The following PPM1H variants were observed in gnomAD, a reference collection of about 807,000 sequenced individuals.
PPM1H encodes the protein protein phosphatase, Mg2+/Mn2+ dependent 1H.
PPM1H carries 27 observed loss-of-function variants against 54.9 expected under a neutral mutation model. That is an observed-to-expected ratio of 0.49 (90% confidence interval 0.36 to 0.68). PPM1H has a LOEUF of 0.68. Among genes scored for constraint, PPM1H ranks in the 30% least tolerant of loss-of-function variants. The pLI is 0.00. For missense variants in PPM1H, 596 were observed against 667.8 expected, an observed-to-expected ratio of 0.89 and a Z score of 1.19; for synonymous variants, 305 against 270.8, an observed-to-expected ratio of 1.13 and a Z score of -1.24.
At chr12:62,831,391 A>G (rs1403167430) in intron 2 of PPM1H, among the ~76,000 whole-genome samples, 2 of 152,130 alleles carry the variant, frequency 1.3e-5, no homozygotes, top group African/African-American at 2.4e-5. Flanking sequence ...GAGCTTTCTG[A>G]GGATATGACT....
At chr12:62,883,845 A>C (rs574853230) in intron 1 of PPM1H, among the ~76,000 whole-genome samples, 1 of 151,598 alleles carries the variant, frequency 6.6e-6, no homozygotes, top group Non-Finnish European at 1.5e-5. Flanking sequence ...ATTTCCTCAC[A>C]TAATTGCATC....
intron 9 of PPM1H, among the ~76,000 whole-genome samples, chr12:62,658,559 T>A: frequency 2.0e-5 from 3 of 152,244 alleles, no homozygotes; most frequent in East Asian, 1.9e-4. Flanking sequence ...TTTCCAGGTT[T>A]GAGTGCCTTC....
intron 6 of PPM1H, among the ~76,000 whole-genome samples, chr12:62,714,554 G>A (rs752356869): frequency 3.9e-5 from 6 of 152,114 alleles, no homozygotes; most frequent in Admixed American, 1.3e-4. Context: ...GCAGAGCAAA[G>A]CCTACCCCCT....
intron 1 of PPM1H, among the ~76,000 whole-genome samples, chr12:62,896,414 A>G (rs1465107481): frequency 2.0e-5 from 3 of 152,214 alleles, no homozygotes; most frequent in Non-Finnish European, 2.9e-5. Flanking sequence ...AAAAAATCAA[A>G]CAACCCCATC....
At chr12:62,799,154 T>A (rs574055328) in intron 3 of PPM1H, among the ~76,000 whole-genome samples, 5 of 152,236 alleles carry the variant, frequency 3.3e-5, no homozygotes, top group Non-Finnish European at 2.9e-5. Context: ...TTTGAGGTAA[T>A]GAATTGGTTC....
At chr12:62,912,796 C>A (rs1442842064) in intron 1 of PPM1H, among the ~76,000 whole-genome samples, 1 of 152,160 alleles carries the variant, frequency 6.6e-6, no homozygotes, top group African/African-American at 2.4e-5. Context: ...AACAGACTGA[C>A]GTAGCTCTAG....
intron 1 of PPM1H, among the ~76,000 whole-genome samples, chr12:62,930,660 T>C (rs2121192215): frequency 6.6e-6 from 1 of 152,320 alleles, no homozygotes; most frequent in African/African-American, 2.4e-5. Flanking sequence ...AACCTCCACT[T>C]GGGTGGTATT....
At chr12:62,704,145 T>C (rs2076160218) in intron 6 of PPM1H, among the ~76,000 whole-genome samples, 1 of 152,158 alleles carries the variant, frequency 6.6e-6, no homozygotes, top group Non-Finnish European at 1.5e-5. Flanking sequence ...AACTGTCTGC[T>C]GGAAAGACAG....
intron 1 of PPM1H, among the ~76,000 whole-genome samples, chr12:62,919,031 G>A (rs1019700992): frequency 6.6e-6 from 1 of 152,204 alleles, no homozygotes; most frequent in Non-Finnish European, 1.5e-5. Context: ...ACAGTCAGTG[G>A]AGATAGAAAT....
rs1565747314 is a variant in PPM1H at position 62,659,290 on chromosome 12, A to AAG, written c.1397+7886_1397+7887dup. On this transcript the variant is annotated intron_variant, in intron 9 of 9. Coordinates refer to ENST00000228705, the MANE Select transcript of PPM1H (RefSeq NM_020700.2). ...ACTGCAAAAAAAAAAAAAAAAAAAAAAGAGAAAAACTTACTGCACTCATAT... is the reference window on the plus strand; with the variant it reads ...ACTGCAAAAAAAAAAAAAAAAAAAAAAGAGAGAAAAACTTACTGCACTCATAT... 113 of 482,006 alleles carry AAG rather than the reference A, an allele frequency of 2.3e-4. No homozygotes were observed. The South Asian group carries it at 2.5e-3, about 11-fold the overall frequency. 29.9% of individuals were successfully genotyped at this position (482,006 alleles called of 1,614,324 possible).
At chr12:62,902,013 G>T (rs185044654) in intron 1 of PPM1H, among the ~76,000 whole-genome samples, 186 of 152,264 alleles carry the variant, frequency 1.2e-3, no homozygotes, top group African/African-American at 4.4e-3. Flanking sequence ...ACTTTAAAGG[G>T]TTCCTCTAAA....
intron 4 of PPM1H, among the ~76,000 whole-genome samples, chr12:62,781,095 G>A (rs1347795432): frequency 2.0e-5 from 3 of 152,202 alleles, no homozygotes; most frequent in African/African-American, 7.2e-5. Context: ...AAGTCCGCAC[G>A]GGGGCATGTC....
chr12:62,793,740 C>CAAAAAAAAAAAAAAAAAAAAA (rs34457644), intron 3 of PPM1H, among the ~76,000 whole-genome samples: 7 of 61,224 alleles, frequency 1.1e-4, no homozygotes, highest in East Asian at 4.8e-4. Flanking sequence ...AACTCCGTTT[C>CAAAAAAAAAAAAAAAAAAAAA]AAAAAAAAAA....
chr12:62,720,202 T>A lies in PPM1H; in HGVS notation c.1042A>T (p.Met348Leu), dbSNP rs531429250. The change falls in exon 6 of 10, where the codon ATG (methionine) becomes TTG (leucine). Residue 348 changes from methionine to leucine, a missense_variant. By Grantham distance (15) the Met-to-Leu change is conservative (BLOSUM62 2). Around this residue, in one of 3 missense-constraint regions of PPM1H, gnomAD observed 208 missense variants for 259.5 expected, o/e 0.80. Transcript: ENST00000228705. The stretch of plus-strand genomic sequence containing the variant: ...GTCATATTAAAGTCCCTGTAGAGCA[T>A]CTTCTTTCCAAGCTCCTTTCTCTGT... ...RVQRKELGKK[M>L]LYRDFNMTGW... 6.2e-7 allele frequency: 1 copy of A among 1,612,296 alleles called. No homozygotes were observed. The highest frequency in any genetic ancestry group is 8.5e-7 in the Non-Finnish European group (1 of 1,178,320).
chr12:62,868,490 C>T (rs1332331274), intron 1 of PPM1H, among the ~76,000 whole-genome samples: 1 of 152,094 alleles, frequency 6.6e-6, no homozygotes, highest in Non-Finnish European at 1.5e-5. Context: ...AAACCCACAG[C>T]TGGATTTTAA....
At chr12:62,839,884 A>AAAAAAAAAAAAAAAAAAAAAAAAC (rs1555200469) in intron 1 of PPM1H, among the ~76,000 whole-genome samples, 2 of 150,170 alleles carry the variant, frequency 1.3e-5, no homozygotes, top group African/African-American at 5.0e-5. Context: ...CAAAAAAAAA[A>AAAAAAAAAAAAAAAAAAAAAAAAC]AAAAAACACC....
At position 62,856,448 on chromosome 12, in the gene PPM1H, A is replaced by T. The variant is rs144326127; in HGVS notation, c.246-24169T>A. On this transcript the variant is annotated intron_variant, in intron 1 of 9. Coordinates refer to ENST00000228705, the MANE Select transcript of PPM1H (RefSeq NM_020700.2). ...CCAGTGTCCCACAAACCATTGTTTC[A>T]TGTATTTGTTGTCTCTTTTTTTTAT... 9.1e-4 allele frequency among the ~76,000 whole-genome samples: 139 copies of T among 152,236 alleles called. 1 individual carries two copies. Among genetic ancestry groups the T allele is most frequent in the African/African-American group, 3.1e-3 (129 of 41,550 alleles).
At chr12:62,748,874 C>T (rs2076426730) in intron 4 of PPM1H, among the ~76,000 whole-genome samples, 2 of 152,158 alleles carry the variant, frequency 1.3e-5, no homozygotes, top group South Asian at 4.1e-4. Context: ...TGGGCCCTGG[C>T]ATCCTTGCTG....
chr12:62,731,466 G>A (rs1008942806), intron 5 of PPM1H, among the ~76,000 whole-genome samples: 2 of 152,142 alleles, frequency 1.3e-5, no homozygotes, highest in African/African-American at 2.4e-5. Flanking sequence ...TTCAAAGCAG[G>A]TTCAGGCTTA....
Sources: gnomAD v4.1 joint callset for allele counts (sites outside exome capture counted in the v4.1 genomes callset) on GRCh38, gnomAD v4.1.1 for gene constraint, gnomAD v4.1.1 regional missense constraint, MANE v1.5 for transcripts, NCBI Gene and HGNC (gene_info 2026-07-23, HGNC 2026-07-21) for gene names.